TMEM178B: variants seen among roughly 807,000 people sequenced by gnomAD.
The protein encoded by TMEM178B is transmembrane protein 178B.
In TMEM178B, 5 loss-of-function variants were observed where a neutral mutation model predicts 31.0. That is an observed-to-expected ratio of 0.16 (90% CI 0.08 to 0.34). TMEM178B has a LOEUF of 0.34. Among genes scored for constraint, TMEM178B ranks in the 10% least tolerant of loss-of-function variants. TMEM178B has a pLI of 1.00. For synonymous variants in TMEM178B, 164 were observed against 164.0 expected (o/e 1.00, Z 0.00); for missense variants, 275 against 400.3 (o/e 0.69, Z 2.67).
intron 1 of TMEM178B, among the ~76,000 whole-genome samples, chr7:141,186,390 G>A (rs770831528): frequency 4.6e-5 from 7 of 152,164 alleles, no homozygotes; most frequent in Non-Finnish European, 1.0e-4. Context: ...ATGCCTGGCA[G>A]GGGTGTAAAC....
intron 2 of TMEM178B, among the ~76,000 whole-genome samples, chr7:141,268,201 A>G (rs745793983): frequency 3.3e-5 from 5 of 152,262 alleles, no homozygotes; most frequent in Non-Finnish European, 7.3e-5. Context: ...TAAGAAGGAT[A>G]AGACATTAGT....
intron 2 of TMEM178B, among the ~76,000 whole-genome samples, chr7:141,426,463 A>G (rs925022327): frequency 2.0e-5 from 3 of 152,210 alleles, no homozygotes; most frequent in Non-Finnish European, 2.9e-5. Context: ...CTAAAGTACC[A>G]TGGAAGTTTC....
intron 1 of TMEM178B, among the ~76,000 whole-genome samples, chr7:141,113,299 A>T (rs1795264261): frequency 6.6e-6 from 1 of 152,200 alleles, no homozygotes; most frequent in African/African-American, 2.4e-5. Flanking sequence ...GTACCCTCAG[A>T]GCCCTGCGCT....
the TMEM178B span, among the ~76,000 whole-genome samples, chr7:141,485,662 A>G: frequency 6.6e-6 from 1 of 152,220 alleles, no homozygotes; most frequent in Non-Finnish European, 1.5e-5. Flanking sequence ...ACCAGTGGGA[A>G]AGGATTTTCT....
At chr7:141,347,370 T>C (rs1324335959) in intron 2 of TMEM178B, among the ~76,000 whole-genome samples, 2 of 152,092 alleles carry the variant, frequency 1.3e-5, no homozygotes, top group Non-Finnish European at 2.9e-5. Flanking sequence ...GTAAGATCAA[T>C]CATTCCCTTG....
the TMEM178B span, among the ~76,000 whole-genome samples, chr7:141,505,683 C>G: frequency 3.6e-3 from 543 of 152,332 alleles, 2 homozygotes; most frequent in African/African-American, 9.9e-3. Flanking sequence ...GGCTGCTTTT[C>G]TTTCTCTACT....
At chr7:141,444,606 C>G (rs1801719305) in intron 3 of TMEM178B, among the ~76,000 whole-genome samples, 1 of 152,140 alleles carries the variant, frequency 6.6e-6, no homozygotes, top group Non-Finnish European at 1.5e-5. Context: ...CTGTCTTGAA[C>G]TTGGACTCAT....
At chr7:141,327,552 C>T (rs984619981) in intron 2 of TMEM178B, among the ~76,000 whole-genome samples, 1 of 152,060 alleles carries the variant, frequency 6.6e-6, no homozygotes, top group Non-Finnish European at 1.5e-5. Context: ...ATTTTGACAA[C>T]TATATAAAAA....
intron 2 of TMEM178B, among the ~76,000 whole-genome samples, chr7:141,336,919 C>A (rs1799406536): frequency 7.2e-6 from 1 of 139,230 alleles, no homozygotes; most frequent in Non-Finnish European, 1.6e-5. Context: ...TCACCACCAC[C>A]ACCACCACCA....
intron 1 of TMEM178B, among the ~76,000 whole-genome samples, chr7:141,194,755 A>G (rs1796754899): frequency 2.6e-5 from 4 of 151,998 alleles, no homozygotes; most frequent in Admixed American, 2.6e-4. Flanking sequence ...TTTCCCTTAC[A>G]CACTGCCCTA....
intron 3 of TMEM178B, among the ~76,000 whole-genome samples, chr7:141,463,045 G>A (rs769987747): frequency 6.6e-6 from 1 of 152,208 alleles, no homozygotes. Flanking sequence ...TCTGCAGGGT[G>A]CTGCTGCTTA....
At position 141,408,516 on chromosome 7, in the gene TMEM178B, G is replaced by A. The variant is rs1032553111; in HGVS notation, c.497-29092G>A. On this transcript the variant is annotated intron_variant, in intron 2 of 3. Transcript: ENST00000565468. ...CCAGAGTGGCAGGGCTGCTGCAAGG[G>A]ATCACATTGAGAGAATCACTGTATT... Among the ~76,000 whole-genome samples the A allele has an allele frequency of 3.3e-5, 5 of 152,274 alleles. No homozygotes were observed. The East Asian group carries it at 9.6e-4, about 29-fold the overall frequency.
rs1413970646 is a variant in TMEM178B at position 141,284,636 on chromosome 7, T to G, written c.496+71932T>G. Among the ~76,000 whole-genome samples the G allele has an allele frequency of 2.6e-5, 4 of 152,212 alleles. No homozygotes were observed. The East Asian group carries it at 7.7e-4, about 29-fold the overall frequency. ...AAGAATTGAAAGTGAAAGTGGCATT[T>G]GTCATAGAATGCCATGGTCTTATTC... On this transcript the variant is annotated intron_variant, in intron 2 of 3. Coordinates refer to ENST00000565468, the MANE Select transcript of TMEM178B (RefSeq NM_001195278.2).
chr7:141,151,015 G>A (rs544191236), intron 1 of TMEM178B, among the ~76,000 whole-genome samples: 7 of 152,190 alleles, frequency 4.6e-5, no homozygotes, highest in Non-Finnish European at 1.0e-4. Context: ...AAATACAGAA[G>A]GTACATCTCA....
the TMEM178B span, among the ~76,000 whole-genome samples, chr7:141,488,438 T>C: frequency 2.0e-5 from 3 of 152,088 alleles, no homozygotes; most frequent in African/African-American, 7.2e-5. Flanking sequence ...ATTTTCTTTT[T>C]TTTTTCTTTT....
chr7:141,502,011 G>A, the TMEM178B span, among the ~76,000 whole-genome samples: 1 of 152,134 alleles, frequency 6.6e-6, no homozygotes, highest in Non-Finnish European at 1.5e-5. Context: ...AAAGCTGAGA[G>A]AAGATGATCC....
At chr7:141,463,445 A>G (rs115716128) in intron 3 of TMEM178B, among the ~76,000 whole-genome samples, 2,643 of 152,290 alleles carry the variant, frequency 0.017, 75 homozygotes, top group African/African-American at 0.06. Context: ...AAAAATATTT[A>G]TGTCACTGGA....
chr7:141,089,490 G>A (rs148153671), intron 1 of TMEM178B, among the ~76,000 whole-genome samples: 1,700 of 152,280 alleles, frequency 0.011, 44 homozygotes, highest in African/African-American at 0.039. Flanking sequence ...TACCATTTGA[G>A]CCAGCCATCC....
chr7:141,153,261 A>G (rs144079549), intron 1 of TMEM178B, among the ~76,000 whole-genome samples: 9 of 152,284 alleles, frequency 5.9e-5, no homozygotes, highest in African/African-American at 1.9e-4. Context: ...TCTCTGCAAT[A>G]TATTTTGAAC....
Sources: allele counts gnomAD v4.1 joint callset (sites outside exome capture counted in the v4.1 genomes callset), GRCh38; gene constraint gnomAD v4.1.1; transcripts MANE v1.5; gene names NCBI Gene and HGNC (gene_info 2026-07-23, HGNC 2026-07-21).